Variants in RGS6 observed in about 807,000 individuals in gnomAD.
RGS6 encodes regulator of G-protein signaling 6.
In RGS6, 30 loss-of-function variants were observed where a neutral mutation model predicts 78.5. That is an observed-to-expected ratio of 0.38 (90% CI 0.29 to 0.52). RGS6 has a LOEUF of 0.52. RGS6 is among the 20% of genes least tolerant of loss of function. The pLI, the probability that RGS6 is intolerant of heterozygous loss-of-function variation, is 0.85. For missense variants in RGS6, 495 were observed against 609.7 expected, an observed-to-expected ratio of 0.81 and a Z score of 1.98; for synonymous variants, 206 against 206.0, an observed-to-expected ratio of 1.00 and a Z score of 0.00.
At chr14:72,614,192 G>C in the RGS6 span, among the ~76,000 whole-genome samples, 1 of 152,204 alleles carries the variant, frequency 6.6e-6, no homozygotes, top group African/African-American at 2.4e-5. Context: ...AAATGGGGGA[G>C]GGAGCCCCAA....
intron 13 of RGS6, among the ~76,000 whole-genome samples, chr14:72,502,535 G>A (rs2096741348): frequency 6.6e-6 from 1 of 152,226 alleles, no homozygotes. Flanking sequence ...GGAGGCCGAG[G>A]CAAGCGGATC....
At chr14:72,158,695 T>G (rs2096807772) in intron 2 of RGS6, among the ~76,000 whole-genome samples, 1 of 152,200 alleles carries the variant, frequency 6.6e-6, no homozygotes. Context: ...ACTCTTTTTA[T>G]GTAAGAGGGG....
At chr14:72,115,254 C>T (rs768553369) in intron 2 of RGS6, among the ~76,000 whole-genome samples, 5 of 152,168 alleles carry the variant, frequency 3.3e-5, no homozygotes, top group African/African-American at 7.2e-5. Flanking sequence ...ATTTGACTTA[C>T]GCAGCTGTGG....
chr14:71,886,609 G>A, the RGS6 span, among the ~76,000 whole-genome samples: 6 of 152,230 alleles, frequency 3.9e-5, no homozygotes, highest in Non-Finnish European at 5.9e-5. Flanking sequence ...GTAGCAGTTA[G>A]AGCCTAGTAG....
At chr14:71,869,333 T>C in the RGS6 span, among the ~76,000 whole-genome samples, 1 of 152,222 alleles carries the variant, frequency 6.6e-6, no homozygotes, top group Non-Finnish European at 1.5e-5. Context: ...ATCACTTGTC[T>C]GCCAGAAGAA....
chr14:72,126,582 A>T (rs995380683), intron 2 of RGS6, among the ~76,000 whole-genome samples: 1 of 152,228 alleles, frequency 6.6e-6, no homozygotes, highest in South Asian at 2.1e-4. Context: ...TTTGTCTCCA[A>T]TGCCACTGAA....
chr14:72,159,860 A>G (rs2096828432), intron 2 of RGS6, among the ~76,000 whole-genome samples: 1 of 152,214 alleles, frequency 6.6e-6, no homozygotes, highest in Admixed American at 6.5e-5. Context: ...TCTTGGAGGA[A>G]GATATTATTA....
intron 17 of RGS6, chr14:72,540,530 T>G: frequency 2.5e-6 from 4 of 1,570,624 alleles, no homozygotes; most frequent in Non-Finnish European, 2.6e-6. Flanking sequence ...CTGTGAACCC[T>G]GGCAGTCACG....
At chr14:72,123,329 A>G (rs569081324) in intron 2 of RGS6, among the ~76,000 whole-genome samples, 47 of 152,336 alleles carry the variant, frequency 3.1e-4, no homozygotes, top group African/African-American at 1.1e-3. Context: ...GGATGCAGGA[A>G]TTAAGAAAGA....
At chr14:72,408,866 C>T (rs2093169018) in intron 3 of RGS6, among the ~76,000 whole-genome samples, 1 of 152,104 alleles carries the variant, frequency 6.6e-6, no homozygotes, top group South Asian at 2.1e-4. Context: ...GGGTGCCTGC[C>T]CTGTAGCATG....
At chr14:72,290,327 AG>A (rs2063363649) in intron 2 of RGS6, among the ~76,000 whole-genome samples, 1 of 152,140 alleles carries the variant, frequency 6.6e-6, no homozygotes, top group South Asian at 2.1e-4. Flanking sequence ...GCTAGGTCAC[AG>A]GTTTTTCAGG....
At chr14:72,355,507 T>G (rs1220056651) in intron 3 of RGS6, among the ~76,000 whole-genome samples, 10 of 152,216 alleles carry the variant, frequency 6.6e-5, no homozygotes, top group Non-Finnish European at 4.4e-5. Context: ...TTTTTAAATT[T>G]ATTCATTTAG....
chr14:72,241,122 A>G (rs562701886), intron 2 of RGS6, among the ~76,000 whole-genome samples: 52 of 144,858 alleles, frequency 3.6e-4, no homozygotes, highest in Admixed American at 8.7e-4. Flanking sequence ...ATGCCACTGC[A>G]TTCCAGCCTG....
chr14:71,986,419 C>A (rs1444081969), intron 2 of RGS6, among the ~76,000 whole-genome samples: 1 of 152,140 alleles, frequency 6.6e-6, no homozygotes, highest in Non-Finnish European at 1.5e-5. Flanking sequence ...TGGCTTAAAA[C>A]AAGGCCAGGC....
intron 2 of RGS6, among the ~76,000 whole-genome samples, chr14:72,266,412 A>G (rs2059078831): frequency 6.6e-6 from 1 of 152,086 alleles, no homozygotes; most frequent in Non-Finnish European, 1.5e-5. Context: ...GTGGTTGCAC[A>G]GTTATGCCGT....
At chr14:72,287,211 G>T (rs1006491193) in intron 2 of RGS6, among the ~76,000 whole-genome samples, 1 of 152,160 alleles carries the variant, frequency 6.6e-6, no homozygotes, top group Non-Finnish European at 1.5e-5. Flanking sequence ...AACAGTTTTT[G>T]TGTTGAGTCT....
chr14:72,234,194 G>A (rs17109573), intron 2 of RGS6, among the ~76,000 whole-genome samples: 8,610 of 151,950 alleles, frequency 0.057, 351 homozygotes, highest in East Asian at 0.26. Context: ...AGGAAGGCAA[G>A]CAGTTAAGAC....
intron 2 of RGS6, among the ~76,000 whole-genome samples, chr14:72,283,722 G>A (rs913063807): frequency 2.0e-5 from 3 of 152,192 alleles, no homozygotes; most frequent in Admixed American, 2.0e-4. Flanking sequence ...CAGTAAATTG[G>A]CACTGCGAGG....
At chr14:72,407,260 T>C (rs530967103) in intron 3 of RGS6, among the ~76,000 whole-genome samples, 2 of 152,216 alleles carry the variant, frequency 1.3e-5, no homozygotes, top group Non-Finnish European at 2.9e-5. Context: ...ACACTGCCTG[T>C]GCTGAGCTGC....
Sources: gnomAD v4.1 joint callset for allele counts (sites outside exome capture counted in the v4.1 genomes callset) on GRCh38, gnomAD v4.1.1 for gene constraint, MANE v1.5 for transcripts, NCBI Gene and HGNC (gene_info 2026-07-23, HGNC 2026-07-21) for gene names.